Variants in GMDS observed in about 807,000 individuals in gnomAD.
GMDS encodes the protein GDP-mannose 4,6-dehydratase, also known as GDP-mannose 4,6 dehydratase.
In GMDS, 20 loss-of-function variants were observed where a neutral mutation model predicts 49.9. That is an observed-to-expected ratio of 0.40 (90% confidence interval 0.28 to 0.58). GMDS has a LOEUF of 0.58. Among genes scored for constraint, GMDS ranks in the 20% least tolerant of loss-of-function variants. GMDS has a pLI of 0.42. For missense variants in GMDS, 362 were observed against 481.4 expected (o/e 0.75, Z 2.32); for synonymous variants, 177 against 178.6 (o/e 0.99, Z 0.07).
intron 4 of GMDS, among the ~76,000 whole-genome samples, chr6:1,981,343 T>C (rs1192731400): frequency 6.6e-6 from 1 of 151,802 alleles, no homozygotes; most frequent in Admixed American, 6.6e-5. Context: ...TCAGAAATGA[T>C]AAGGGGGATA....
chr6:2,180,390 T>C (rs1007442824), intron 1 of GMDS, among the ~76,000 whole-genome samples: 2 of 152,246 alleles, frequency 1.3e-5, no homozygotes, highest in African/African-American at 2.4e-5. Flanking sequence ...TCCAGTGTGG[T>C]AATTCCAAGT....
intron 9 of GMDS, among the ~76,000 whole-genome samples, chr6:1,695,063 T>A (rs1765291620): frequency 8.1e-6 from 1 of 122,726 alleles, no homozygotes; most frequent in Admixed American, 8.8e-5. Context: ...TTTCTTTCTA[T>A]GAGCAAATTA....
rs1411680539 is a variant in GMDS at position 2,117,421 on chromosome 6, C to G, written c.235+48G>C. On this transcript the variant is annotated intron_variant, in intron 3 of 10. Coordinates refer to ENST00000380815, the MANE Select transcript of GMDS (RefSeq NM_001500.4). ...ACACCTTATCTGAACATAGGAACATCTGAAAACACCTTATAGAAAGAGATT... is the reference window on the plus strand; with the variant it reads ...ACACCTTATCTGAACATAGGAACATGTGAAAACACCTTATAGAAAGAGATT... 3.6e-6 allele frequency: 4 copies of G among 1,101,722 alleles called. No homozygotes were observed. The East Asian group carries it at 7.0e-5, about 19-fold the overall frequency. 68.2% of individuals were successfully genotyped at this position (1,101,722 alleles called of 1,614,324 possible).
At chr6:1,913,109 C>A (rs1339704918) in intron 7 of GMDS, among the ~76,000 whole-genome samples, 1 of 151,998 alleles carries the variant, frequency 6.6e-6, no homozygotes, top group Non-Finnish European at 1.5e-5. Flanking sequence ...GGGCCAGGCG[C>A]GGTGGCTCAC....
At chr6:2,157,121 G>A (rs1042370547) in intron 1 of GMDS, among the ~76,000 whole-genome samples, 5 of 152,144 alleles carry the variant, frequency 3.3e-5, no homozygotes, top group Admixed American at 2.6e-4. Flanking sequence ...AGCACAGATC[G>A]TCTTCATAGA....
In GMDS at chr6:2,055,254, G is replaced by GA. The variant is rs201815945; in HGVS notation, c.345+60516dup. ...TTCTTGTAATTGGGCTCCCAGAGAA[G>GA]AAAAAAAAAGAGAGAGAGAGAGAGA... On this transcript the variant is annotated intron_variant, in intron 4 of 10. Transcript: ENST00000380815. 9.1e-3 allele frequency among the ~76,000 whole-genome samples: 1,336 copies of GA among 147,352 alleles called. 20 individuals are homozygous for GA. Among genetic ancestry groups the GA allele is most frequent in the African/African-American group, 0.032 (1,275 of 40,210 alleles).
intron 9 of GMDS, among the ~76,000 whole-genome samples, chr6:1,706,593 C>A (rs184900524): frequency 3.9e-5 from 6 of 152,322 alleles, no homozygotes; most frequent in Non-Finnish European, 5.9e-5. Context: ...GAGGAGAACC[C>A]CTCGCAGGCC....
intron 4 of GMDS, among the ~76,000 whole-genome samples, chr6:2,055,034 A>C (rs937856466): frequency 6.6e-6 from 1 of 152,102 alleles, no homozygotes; most frequent in Non-Finnish European, 1.5e-5. Context: ...AAATTCTAAA[A>C]CTAAACAACA....
intron 7 of GMDS, among the ~76,000 whole-genome samples, chr6:1,771,094 C>T (rs1051042341): frequency 1.3e-5 from 2 of 152,184 alleles, no homozygotes; most frequent in African/African-American, 4.8e-5. Context: ...ATTTCTTACA[C>T]AGAATATGCT....
intron 1 of GMDS, among the ~76,000 whole-genome samples, chr6:2,187,791 A>AT (rs1164683607): frequency 6.6e-6 from 1 of 152,240 alleles, no homozygotes; most frequent in Non-Finnish European, 1.5e-5. Flanking sequence ...AAAGGTTTTC[A>AT]CACTGAAATT....
intron 1 of GMDS, 90 bp from the exon 2 acceptor site, chr6:2,124,821 A>G: frequency 1.1e-6 from 1 of 931,046 alleles, no homozygotes; most frequent in African/African-American, 1.6e-5. Flanking sequence ...AGCATTTAAA[A>G]GGCTACCTAA....
chr6:1,833,205 C>A lies in GMDS; in HGVS notation c.772-90619G>T, dbSNP rs1466616656. On this transcript the variant is annotated intron_variant, in intron 7 of 10. Transcript: ENST00000380815. The surrounding 1 kb of genome is among the most constrained non-coding windows in gnomAD (Gnocchi z 4.4). ...GGCATGGACCCTCAGGCACATTAAT[C>A]AGCAGGGGAATTGGCCAAATGTCGT... 1.4e-5 allele frequency among the ~76,000 whole-genome samples: 2 copies of A among 146,442 alleles called. No homozygotes were observed. Among genetic ancestry groups the A allele is most frequent in the Non-Finnish European group, 3.0e-5 (2 of 67,228 alleles).
chr6:2,145,468 A>G (rs979774896), intron 1 of GMDS, among the ~76,000 whole-genome samples: 4 of 151,940 alleles, frequency 2.6e-5, no homozygotes, highest in East Asian at 1.9e-4. Context: ...AACCCAGGAG[A>G]TGGAGGTTGC....
chr6:1,828,598 CATATG>C (rs1444944898), intron 7 of GMDS, among the ~76,000 whole-genome samples: 1 of 152,156 alleles, frequency 6.6e-6, no homozygotes, highest in African/African-American at 2.4e-5. Context: ...GCCATTTTCT[CATATG>C]ATATCTTGGA....
chr6:1,862,109 T>C (rs1285216547), intron 7 of GMDS, among the ~76,000 whole-genome samples: 1 of 152,160 alleles, frequency 6.6e-6, no homozygotes, highest in Non-Finnish European at 1.5e-5. Context: ...TTACAGACAA[T>C]AACTAGAACA....
chr6:1,822,769 T>C (rs1214418287), intron 7 of GMDS, among the ~76,000 whole-genome samples: 1 of 152,224 alleles, frequency 6.6e-6, no homozygotes, highest in East Asian at 1.9e-4. Flanking sequence ...TACAATAATA[T>C]AGAAGTAAAA....
intron 7 of GMDS, among the ~76,000 whole-genome samples, chr6:1,875,628 G>T (rs1759004444): frequency 6.6e-6 from 1 of 151,678 alleles, no homozygotes; most frequent in African/African-American, 2.4e-5. Context: ...GTTTTCAATG[G>T]GTTTTTATCC....
At chr6:1,933,347 C>G (rs1157732374) in intron 6 of GMDS, among the ~76,000 whole-genome samples, 1 of 152,184 alleles carries the variant, frequency 6.6e-6, no homozygotes, top group Non-Finnish European at 1.5e-5. Context: ...AGCGTTCATG[C>G]CTTTTTGTGA....
At chr6:1,727,457 A>T (rs1766637261) in intron 8 of GMDS, among the ~76,000 whole-genome samples, 1 of 152,200 alleles carries the variant, frequency 6.6e-6, no homozygotes, top group Non-Finnish European at 1.5e-5. Flanking sequence ...GAAATTAACA[A>T]GTATGACATG....
Sources: allele counts gnomAD v4.1 joint callset (sites outside exome capture counted in the v4.1 genomes callset), GRCh38; gene constraint gnomAD v4.1.1; non-coding constraint Gnocchi (gnomAD v3.1); transcripts MANE v1.5; gene names NCBI Gene and HGNC (gene_info 2026-07-23, HGNC 2026-07-21).